GRXCR1: variants seen among roughly 807,000 people sequenced by gnomAD.
GRXCR1 encodes glutaredoxin domain-containing cysteine-rich protein 1.
GRXCR1 carries 27 observed loss-of-function variants against 27.3 expected under a neutral mutation model. The observed-to-expected ratio is 0.99, with a 90% CI of 0.73 to 1.37. GRXCR1 has a LOEUF of 1.37. Among genes scored for constraint, GRXCR1 ranks in the 40% most tolerant of loss-of-function variants. The pLI is 0.00. For synonymous variants in GRXCR1, 122 were observed against 131.1 expected (o/e 0.93, Z 0.47); for missense variants, 379 against 354.4 (o/e 1.07, Z -0.56).
intron 1 of GRXCR1, among the ~76,000 whole-genome samples, chr4:42,932,045 C>G (rs1747323884): frequency 6.6e-6 from 1 of 151,862 alleles, no homozygotes; most frequent in Non-Finnish European, 1.5e-5. Flanking sequence ...AAAGACCCAC[C>G]CCCATGATTC....
chr4:42,926,092 T>G (rs924154523), intron 1 of GRXCR1, among the ~76,000 whole-genome samples: 1 of 152,092 alleles, frequency 6.6e-6, no homozygotes, highest in Non-Finnish European at 1.5e-5. Flanking sequence ...ATATGTTTCC[T>G]GCTAGCTGTC....
At chr4:42,979,204 G>A (rs530369351) in intron 2 of GRXCR1, among the ~76,000 whole-genome samples, 2 of 152,084 alleles carry the variant, frequency 1.3e-5, no homozygotes, top group South Asian at 4.2e-4. Flanking sequence ...GTTATGGCTA[G>A]GATTTCCAGT....
chr4:42,965,022 C>T (rs6820646), intron 2 of GRXCR1, among the ~76,000 whole-genome samples: 5 of 152,046 alleles, frequency 3.3e-5, no homozygotes, highest in Non-Finnish European at 2.9e-5. Flanking sequence ...GGGCAACTGC[C>T]TTCAATGCAC....
At chr4:42,967,923 A>C (rs1748285118) in intron 2 of GRXCR1, among the ~76,000 whole-genome samples, 1 of 152,114 alleles carries the variant, frequency 6.6e-6, no homozygotes, top group African/African-American at 2.4e-5. Context: ...TTCCAGTCTT[A>C]CTGTTGGGAA....
chr4:42,955,982 T>C (rs762139407), intron 1 of GRXCR1, among the ~76,000 whole-genome samples: 2 of 152,108 alleles, frequency 1.3e-5, no homozygotes, highest in African/African-American at 2.4e-5. Flanking sequence ...TTAGTTTCAG[T>C]GGATGTGGAA....
At chr4:42,972,534 T>C (rs1352073759) in intron 2 of GRXCR1, among the ~76,000 whole-genome samples, 1 of 152,186 alleles carries the variant, frequency 6.6e-6, no homozygotes, top group African/African-American at 2.4e-5. Flanking sequence ...TTTTCCTGGA[T>C]AACTCAGGAT....
At chr4:42,899,889 C>A (rs1355526634) in intron 1 of GRXCR1, among the ~76,000 whole-genome samples, 1 of 152,096 alleles carries the variant, frequency 6.6e-6, no homozygotes, top group Non-Finnish European at 1.5e-5. Flanking sequence ...TGTCTGAATT[C>A]TGGCTTTAGA....
intron 2 of GRXCR1, 54 bp downstream of exon 2, chr4:42,963,188 G>C: frequency 1.3e-6 from 2 of 1,592,528 alleles, no homozygotes; most frequent in Non-Finnish European, 1.7e-6. Context: ...AGGGCTGATA[G>C]AAATCTATAA....
At chr4:42,897,961 T>G (rs1392465645) in intron 1 of GRXCR1, among the ~76,000 whole-genome samples, 22 of 128,620 alleles carry the variant, frequency 1.7e-4, no homozygotes, top group South Asian at 4.7e-4. Flanking sequence ...TTATTATTCT[T>G]ATTATGTCTG....
At chr4:43,020,510 C>A in intron 3 of GRXCR1, 91 bp downstream of exon 3, 1 of 832,218 alleles carries the variant, frequency 1.2e-6, no homozygotes. Flanking sequence ...ATTCTCTCTC[C>A]CCATGTTCTT....
chr4:42,912,025 G>C (rs1746731934), intron 1 of GRXCR1, among the ~76,000 whole-genome samples: 2 of 152,124 alleles, frequency 1.3e-5, no homozygotes, highest in South Asian at 4.1e-4. Context: ...AAGTGAGCCA[G>C]TAACAAGAGC....
chr4:42,966,709 G>T (rs1748245118), intron 2 of GRXCR1, among the ~76,000 whole-genome samples: 1 of 152,076 alleles, frequency 6.6e-6, no homozygotes, highest in Non-Finnish European at 1.5e-5. Flanking sequence ...ATTTGGTGTT[G>T]TGAGTCTTCT....
chr4:42,908,220 T>G (rs752397299), intron 1 of GRXCR1, among the ~76,000 whole-genome samples: 1 of 152,192 alleles, frequency 6.6e-6, no homozygotes, highest in Non-Finnish European at 1.5e-5. Flanking sequence ...GCCACCTTTA[T>G]TTTACACTGA....
In GRXCR1 at chr4:43,016,511, A is replaced by G. The variant is rs538887827; in HGVS notation, c.628-3843A>G. ...ACTTGTGTTCTTAGCATCTTGTAGC[A>G]TGCCCCTTTTGTACTATTTTCAACA... On this transcript the variant is annotated intron_variant, in intron 2 of 3. Coordinates refer to ENST00000399770, the MANE Select transcript of GRXCR1 (RefSeq NM_001080476.3). Among the ~76,000 whole-genome samples the G allele has an allele frequency of 2.4e-4, 37 of 152,292 alleles. 3 individuals carry two copies. Among genetic ancestry groups the G allele is most frequent in the South Asian group, 1.7e-3 (8 of 4,826 alleles).
chr4:43,030,376 CAT>C lies in GRXCR1; in HGVS notation c.710_711del (p.His237ArgfsTer42). The C allele has an allele frequency of 6.2e-7, 1 of 1,613,878 alleles. No individual in the cohort carries two copies. The highest frequency in any genetic ancestry group is 8.5e-7 in the Non-Finnish European group (1 of 1,179,978). ...LTKIERVQHP[H>X]ECPSCGGFGF... is the part of the protein sequence containing the mutation. ...CCTTATACAGAGAGTACAGCATCCACATGAGTGTCCCTCTTGTGGAGGCTTTG... is the reference window on the plus strand; with the variant it reads ...CCTTATACAGAGAGTACAGCATCCACGAGTGTCCCTCTTGTGGAGGCTTTG... On this transcript the variant is annotated frameshift_variant, in exon 4 of 4. Transcript: ENST00000399770. LOFTEE classifies it high-confidence loss of function.
intron 3 of GRXCR1, among the ~76,000 whole-genome samples, chr4:43,028,885 T>G (rs1713336802): frequency 1.3e-5 from 2 of 152,184 alleles, no homozygotes; most frequent in Admixed American, 1.3e-4. Context: ...CTTGACAAAA[T>G]TAATTGTTTG....
intron 2 of GRXCR1, among the ~76,000 whole-genome samples, chr4:43,001,193 C>A (rs1712345106): frequency 6.6e-6 from 1 of 151,746 alleles, no homozygotes; most frequent in South Asian, 2.1e-4. Context: ...TCCATTTTTC[C>A]CCCCGGTGTA....
intron 1 of GRXCR1, among the ~76,000 whole-genome samples, chr4:42,930,009 A>G (rs1056523482): frequency 1.1e-4 from 17 of 152,016 alleles, no homozygotes; most frequent in African/African-American, 3.9e-4. Context: ...GCTGAAGCCA[A>G]GCCTTAACAT....
At chr4:42,965,123 T>A (rs1318365380) in intron 2 of GRXCR1, among the ~76,000 whole-genome samples, 1 of 152,064 alleles carries the variant, frequency 6.6e-6, no homozygotes, top group Non-Finnish European at 1.5e-5. Flanking sequence ...ATGCCCGTCC[T>A]GCTATTTGCC....
Sources: gnomAD v4.1 joint callset for allele counts (sites outside exome capture counted in the v4.1 genomes callset) on GRCh38, gnomAD v4.1.1 for gene constraint, MANE v1.5 for transcripts, NCBI Gene and HGNC (gene_info 2026-07-23, HGNC 2026-07-21) for gene names.